CRTAC1: variants seen among roughly 807,000 people sequenced by gnomAD.
The protein encoded by CRTAC1 is cartilage acidic protein 1, also known as acidic secreted protein in cartilage.
A neutral mutation model predicts 67.8 loss-of-function variants in CRTAC1; 37 were observed. That is an observed-to-expected ratio of 0.55 (90% CI 0.42 to 0.72). The LOEUF (loss-of-function observed/expected upper bound fraction) is 0.72. CRTAC1 is among the 30% of genes least tolerant of loss of function. The pLI is 0.00. For missense variants in CRTAC1, 780 were observed against 931.6 expected (o/e 0.84, Z 2.12); for synonymous variants, 348 against 371.0 (o/e 0.94, Z 0.71).
intron 11 of CRTAC1, among the ~76,000 whole-genome samples, chr10:97,894,772 A>C (rs2050431727): frequency 9.9e-6 from 1 of 101,230 alleles, no homozygotes; most frequent in African/African-American, 3.6e-5. Flanking sequence ...ATATGATAGG[A>C]TTTTGTCATC....
chr10:97,928,355 T>C (rs4919159), intron 3 of CRTAC1, among the ~76,000 whole-genome samples: 118,931 of 152,056 alleles, frequency 0.78, 48,604 homozygotes, highest in Non-Finnish European at 0.89. Flanking sequence ...CCTTGGTCCC[T>C]GACTAGGGGC....
At chr10:98,007,902 C>T (rs569240831) in intron 2 of CRTAC1, among the ~76,000 whole-genome samples, 32 of 152,228 alleles carry the variant, frequency 2.1e-4, no homozygotes, top group Middle Eastern at 3.4e-3. Context: ...AAGAGGAAGA[C>T]GAAATGAATG....
intron 1 of CRTAC1, among the ~76,000 whole-genome samples, chr10:98,018,037 A>G (rs1270346568): frequency 6.6e-6 from 1 of 151,178 alleles, no homozygotes; most frequent in Non-Finnish European, 1.5e-5. Flanking sequence ...TCTCTACTAA[A>G]AATACAACAA....
At chr10:97,962,179 C>T (rs1055736269) in intron 2 of CRTAC1, among the ~76,000 whole-genome samples, 1 of 152,106 alleles carries the variant, frequency 6.6e-6, no homozygotes, top group Non-Finnish European at 1.5e-5. Flanking sequence ...GGCTGTCTGC[C>T]AGTTTCTAAG....
In CRTAC1 at chr10:97,880,293, C is replaced by T. The variant is rs1254698182; in HGVS notation, c.1775G>A (p.Cys592Tyr). The change falls in exon 14 of 15, where the codon TGC (cysteine) becomes TAC (tyrosine). Residue 592 changes from cysteine to tyrosine, a missense_variant. By Grantham distance (194) the Cys-to-Tyr change is radical. Transcript: ENST00000370597. ...GSYRCRTNKK[C>Y]SRGYEPNEDG... ...CTCGTTGGGCTCGTAGCCCCGACTGCACTTCTTGTTGGTCCGGCACCTGTA... is the reference window on the plus strand; with the variant it reads ...CTCGTTGGGCTCGTAGCCCCGACTGTACTTCTTGTTGGTCCGGCACCTGTA... 1 of 1,614,244 alleles carries T rather than the reference C, an allele frequency of 6.2e-7. No individual in the cohort carries two copies. Among genetic ancestry groups the T allele is most frequent in the Admixed American group, 1.7e-5 (1 of 60,036 alleles).
intron 2 of CRTAC1, among the ~76,000 whole-genome samples, chr10:98,002,528 C>T (rs1200976679): frequency 2.6e-5 from 4 of 152,010 alleles, no homozygotes; most frequent in Non-Finnish European, 5.9e-5. Context: ...TCTCGACCCC[C>T]CAACCTCCAG....
chr10:97,887,217 C>T (rs953130665), intron 11 of CRTAC1, among the ~76,000 whole-genome samples: 4 of 143,458 alleles, frequency 2.8e-5, no homozygotes, highest in African/African-American at 1.1e-4. Context: ...GTGGTACTTG[C>T]GGCACTTAGG....
chr10:97,875,867 G>A (rs1480505728), intron 14 of CRTAC1: 1 of 152,184 alleles, frequency 6.6e-6, no homozygotes, highest in African/African-American at 2.4e-5. Flanking sequence ...CAAACTCCTG[G>A]CCCTCAGAAT....
At chr10:97,917,179 G>A (rs899967440) in intron 5 of CRTAC1, among the ~76,000 whole-genome samples, 3 of 152,226 alleles carry the variant, frequency 2.0e-5, no homozygotes, top group African/African-American at 7.2e-5. Flanking sequence ...CCATCATTGA[G>A]GTTACCAGAG....
intron 2 of CRTAC1, among the ~76,000 whole-genome samples, chr10:98,007,951 G>C (rs1358894764): frequency 6.6e-6 from 1 of 152,146 alleles, no homozygotes; most frequent in Non-Finnish European, 1.5e-5. Context: ...GGCTCAGGAG[G>C]TGCAGGAGCA....
chr10:97,904,621 A>G (rs746204806), intron 7 of CRTAC1, 48 bp downstream of exon 7: 2 of 1,469,244 alleles, frequency 1.4e-6, no homozygotes, highest in South Asian at 1.5e-5. Context: ...GGGTTTTGCC[A>G]TGTTGGACAG....
chr10:97,990,855 T>C (rs968808523), intron 2 of CRTAC1, among the ~76,000 whole-genome samples: 12 of 152,136 alleles, frequency 7.9e-5, no homozygotes, highest in African/African-American at 2.9e-4. Context: ...GGAAACTAAG[T>C]AAAATACAAG....
At chr10:97,881,843 ACTG>A (rs2050219019) in intron 13 of CRTAC1, among the ~76,000 whole-genome samples, 1 of 151,838 alleles carries the variant, frequency 6.6e-6, no homozygotes, top group Non-Finnish European at 1.5e-5. Context: ...CCTCTCTGTG[ACTG>A]CCGAACTGCT....
chr10:97,879,245 C>A (rs186074332), intron 14 of CRTAC1, among the ~76,000 whole-genome samples: 1 of 152,302 alleles, frequency 6.6e-6, no homozygotes, highest in African/African-American at 2.4e-5. Flanking sequence ...AAGGCTTTCT[C>A]TAGCACAGGA....
chr10:97,990,530 C>T (rs552378387), intron 2 of CRTAC1, among the ~76,000 whole-genome samples: 242 of 152,282 alleles, frequency 1.6e-3, no homozygotes, highest in African/African-American at 5.3e-3. Flanking sequence ...TTCCTATTAG[C>T]GTCTTTTAGC....
chr10:98,003,406 TC>T (rs2136686411), intron 2 of CRTAC1, among the ~76,000 whole-genome samples: 1 of 152,316 alleles, frequency 6.6e-6, no homozygotes, highest in African/African-American at 2.4e-5. Flanking sequence ...TGTGTTTTCT[TC>T]CGGAGGCTCG....
chr10:97,981,179 T>C (rs1211639905), intron 2 of CRTAC1, among the ~76,000 whole-genome samples: 1 of 152,232 alleles, frequency 6.6e-6, no homozygotes, highest in Non-Finnish European at 1.5e-5. Flanking sequence ...CTATGGATCC[T>C]ATAATTATGA....
At chr10:97,893,873 T>C (rs1049647346) in intron 11 of CRTAC1, among the ~76,000 whole-genome samples, 9 of 152,242 alleles carry the variant, frequency 5.9e-5, no homozygotes, top group Admixed American at 1.3e-4. Context: ...ATGAGCTTTT[T>C]CTCCCCTTTT....
At chr10:97,893,678 G>A (rs1425815732) in intron 11 of CRTAC1, among the ~76,000 whole-genome samples, 3 of 152,044 alleles carry the variant, frequency 2.0e-5, no homozygotes, top group Non-Finnish European at 1.5e-5. Flanking sequence ...GCCTACCCAG[G>A]GATCTGCCAT....
Sources: allele counts gnomAD v4.1 joint callset (sites outside exome capture counted in the v4.1 genomes callset), GRCh38; gene constraint gnomAD v4.1.1; transcripts MANE v1.5; gene names NCBI Gene and HGNC (gene_info 2026-07-23, HGNC 2026-07-21).